The following CLIP4 variants were observed in gnomAD, a reference collection of about 807,000 sequenced individuals.
CLIP4 encodes the protein CAP-Gly domain-containing linker protein 4.
A neutral mutation model predicts 73.1 loss-of-function variants in CLIP4; 47 were observed. The ratio of observed to expected loss-of-function variants is 0.64; its 90% confidence interval spans 0.51 to 0.82. The LOEUF (loss-of-function observed/expected upper bound fraction) is 0.82, where lower values mean the gene tolerates loss of function less well. Among genes scored for constraint, CLIP4 ranks in the 40% least tolerant of loss-of-function variants. The pLI is 0.00. For missense variants in CLIP4, 874 were observed against 852.9 expected, an observed-to-expected ratio of 1.02 and a Z score of -0.31; for synonymous variants, 306 against 295.4, an observed-to-expected ratio of 1.04 and a Z score of -0.37.
chr2:29,180,049 AATGAAAT>A (rs138857332), intron 15 of CLIP4, among the ~76,000 whole-genome samples: 1,837 of 152,276 alleles, frequency 0.012, 26 homozygotes, highest in African/African-American at 0.042. Context: ...TAGAAAGTGA[AATGAAAT>A]ATGAAATAAG....
chr2:29,181,801 A>G lies in CLIP4; in HGVS notation c.2026A>G (p.Thr676Ala). Reference protein sequence around the residue: ...DGSVGDKRYFTCKPNHGVLVR... With the variant: ...DGSVGDKRYFACKPNHGVLVR... ...GTCAGTGGGTGACAAGCGCTATTTC[A>G]CCTGTAAGCCGAACCATGGAGTCTT... Residue 676 changes from threonine to alanine, a missense_variant, in exon 16 of 16, where the codon ACC (threonine) becomes GCC (alanine). Thr to Ala is a moderately conservative substitution (Grantham distance 58). Transcript: ENST00000320081. The G allele has an allele frequency of 6.2e-7, 1 of 1,614,116 alleles. No homozygotes were observed. The highest frequency in any genetic ancestry group is 8.5e-7 in the Non-Finnish European group (1 of 1,180,006).
chr2:29,155,339 TGAAAA>T (rs1261668474), intron 9 of CLIP4, among the ~76,000 whole-genome samples: 5 of 151,726 alleles, frequency 3.3e-5, no homozygotes, highest in South Asian at 2.1e-4. Flanking sequence ...TTGAAACAAA[TGAAAA>T]GAAAGTTTCA....
chr2:29,107,857 A>T (rs978863506), intron 1 of CLIP4, among the ~76,000 whole-genome samples: 21 of 152,146 alleles, frequency 1.4e-4, no homozygotes, highest in African/African-American at 5.1e-4. Context: ...TGACTCTGAG[A>T]CTGAAATCTT....
At chr2:29,163,338 G>A (rs776467134) in intron 12 of CLIP4, among the ~76,000 whole-genome samples, 2 of 152,030 alleles carry the variant, frequency 1.3e-5, no homozygotes, top group African/African-American at 2.4e-5. Flanking sequence ...ATGTCTAGTG[G>A]TATTTTCTAT....
At chr2:29,144,798 CTTTTTTTTTTTTTT>C (rs34304199) in intron 7 of CLIP4, among the ~76,000 whole-genome samples, 27 of 84,288 alleles carry the variant, frequency 3.2e-4, no homozygotes, top group African/African-American at 1.3e-3. Flanking sequence ...AGTTATATCC[CTTTTTTTTTTTTTT>C]TTTTTTTTTG....
In CLIP4 at chr2:29,157,228, G is replaced by C. The variant is rs1291238027; in HGVS notation, c.1280G>C (p.Ser427Thr). Residue 427 changes from serine to threonine, a missense_variant, in exon 11 of 16, where the codon AGC (serine) becomes ACC (threonine). Ser to Thr is a moderately conservative substitution (Grantham distance 58, BLOSUM62 1). Transcript: ENST00000320081. ...GTTGCCCTGCTTGGATCTGTCAGCA[G>C]CTGCTCCTCTACATCTTCTTTGGAA... The part of the protein sequence containing the change: ...KDVALLGSVS[S>T]CSSTSSLEHR... The C allele has an allele frequency of 2.5e-6, 4 of 1,613,922 alleles. No homozygotes were observed. The highest frequency in any genetic ancestry group is 3.4e-6 in the Non-Finnish European group (4 of 1,179,956).
chr2:29,174,922 C>G (rs1342353184), intron 15 of CLIP4, among the ~76,000 whole-genome samples: 1 of 151,954 alleles, frequency 6.6e-6, no homozygotes, highest in African/African-American at 2.4e-5. Flanking sequence ...GCCCTTTTCT[C>G]TTTTTCATTT....
intron 8 of CLIP4, among the ~76,000 whole-genome samples, chr2:29,150,953 A>G (rs1050541053): frequency 7.2e-5 from 11 of 152,040 alleles, no homozygotes; most frequent in Non-Finnish European, 1.5e-4. Context: ...ATATTTCTAC[A>G]TAATCTTTAT....
chr2:29,172,413 G>A (rs1163011312), intron 14 of CLIP4, among the ~76,000 whole-genome samples: 5 of 152,006 alleles, frequency 3.3e-5, no homozygotes, highest in African/African-American at 1.2e-4. Flanking sequence ...AGAATTTTAG[G>A]TTTAAAGATA....
chr2:29,128,445 AAAAC>A (rs1473879241), intron 2 of CLIP4, among the ~76,000 whole-genome samples: 1 of 151,068 alleles, frequency 6.6e-6, no homozygotes, highest in East Asian at 1.9e-4. Context: ...AAAAAAAACA[AAAAC>A]AAAAAAAAAC....
At chr2:29,129,157 G>A (rs117615814) in intron 2 of CLIP4, among the ~76,000 whole-genome samples, 2,311 of 152,168 alleles carry the variant, frequency 0.015, 44 homozygotes, top group East Asian at 0.047. Context: ...AGATAGCAGA[G>A]GCTTATTTGT....
intron 15 of CLIP4, 73 bp downstream of exon 15, chr2:29,174,518 G>A (rs1668209259): frequency 6.4e-7 from 1 of 1,567,084 alleles, no homozygotes; most frequent in African/African-American, 1.4e-5. Context: ...AAAGAAAAGT[G>A]GAGTGCTGTA....
chr2:29,112,007 G>A (rs1369347023), upstream of CLIP4, among the ~76,000 whole-genome samples: 1 of 152,110 alleles, frequency 6.6e-6, no homozygotes, highest in African/African-American at 2.4e-5. Flanking sequence ...TTTCCCGAAT[G>A]CCGTCTTCTA....
At chr2:29,168,512 CTTTTTTTTT>C (rs35201336) in intron 14 of CLIP4, among the ~76,000 whole-genome samples, 1 of 66,760 alleles carries the variant, frequency 1.5e-5, no homozygotes, top group African/African-American at 6.6e-5. Context: ...ATGGTTTGCC[CTTTTTTTTT>C]TTTTTTTTTT....
intron 1 of CLIP4, among the ~76,000 whole-genome samples, chr2:29,102,728 T>C (rs1329486264): frequency 1.3e-5 from 2 of 151,936 alleles, no homozygotes; most frequent in East Asian, 3.9e-4. Flanking sequence ...CAGGTTCAAG[T>C]GATTCTCCTG....
intron 4 of CLIP4, among the ~76,000 whole-genome samples, chr2:29,133,082 C>T (rs532145117): frequency 2.0e-5 from 3 of 151,964 alleles, no homozygotes; most frequent in African/African-American, 4.8e-5. Flanking sequence ...CAGCTGCTTG[C>T]GAGGCCGAGG....
At chr2:29,109,538 T>C (rs945514018) in intron 1 of CLIP4, among the ~76,000 whole-genome samples, 9 of 152,324 alleles carry the variant, frequency 5.9e-5, no homozygotes, top group East Asian at 5.8e-4. Context: ...TTGTAGCTAT[T>C]TGAAACCATA....
intron 1 of CLIP4, among the ~76,000 whole-genome samples, chr2:29,098,409 C>G (rs994573670): frequency 6.6e-6 from 1 of 152,210 alleles, no homozygotes; most frequent in Non-Finnish European, 1.5e-5. Flanking sequence ...GGTCATCCTT[C>G]CCGCTCTCTT....
chr2:29,111,445 G>A (rs1347764091), upstream of CLIP4, among the ~76,000 whole-genome samples: 1 of 152,182 alleles, frequency 6.6e-6, no homozygotes, highest in Non-Finnish European at 1.5e-5. Context: ...CCTTCCCTGG[G>A]GAGCGGGTTT....
Sources: allele counts gnomAD v4.1 joint callset (sites outside exome capture counted in the v4.1 genomes callset), GRCh38; gene constraint gnomAD v4.1.1; transcripts MANE v1.5; gene names NCBI Gene and HGNC (gene_info 2026-07-23, HGNC 2026-07-21).